TMPRSS6: variants seen among roughly 807,000 people sequenced by gnomAD.
TMPRSS6 encodes transmembrane protease serine 6.
A neutral mutation model predicts 101.5 loss-of-function variants in TMPRSS6; 67 were observed. That is an observed-to-expected ratio of 0.66 (90% CI 0.54 to 0.81). The LOEUF is 0.81. Among genes scored for constraint, TMPRSS6 ranks in the 30% least tolerant of loss-of-function variants. TMPRSS6 has a pLI of 0.00. For synonymous variants in TMPRSS6, 453 were observed against 464.9 expected (o/e 0.97, Z 0.33); for missense variants, 1,034 against 1,088.7 (o/e 0.95, Z 0.71).
chr22:37,095,806 C>T lies in TMPRSS6; in HGVS notation c.589+100G>A, dbSNP rs554886297. 3.3e-6 allele frequency: 5 copies of T among 1,496,528 alleles called. No individual in the cohort carries two copies. The South Asian group carries it at 4.6e-5, about 14-fold the overall frequency. 92.7% of individuals were successfully genotyped at this position (1,496,528 alleles called of 1,614,324 possible). A position where few individuals can be genotyped will look rare whatever the true frequency, so the allele number is the denominator to read the frequency against. On this transcript the variant is annotated intron_variant, in intron 5 of 17. Transcript: ENST00000676104. ...GGCTCTCCTGGGGGGCCCACCCTGA[C>T]AGCACCCCAGGCCTGGCAGGCAGCC...
chr22:37,074,923 A>G (rs1379680496), intron 11 of TMPRSS6, among the ~76,000 whole-genome samples: 2 of 152,220 alleles, frequency 1.3e-5, no homozygotes, highest in Non-Finnish European at 2.9e-5. Context: ...GATATGTATG[A>G]GTGTGTATTC....
chr22:37,068,623 T>C (rs764651790), intron 16 of TMPRSS6: 1 of 779,688 alleles, frequency 1.3e-6, no homozygotes, highest in South Asian at 1.3e-5. Context: ...TACAGCAACA[T>C]GTCTCTGAGC....
intron 13 of TMPRSS6, among the ~76,000 whole-genome samples, chr22:37,072,612 T>TA (rs1927161826): frequency 1.2e-5 from 1 of 86,742 alleles, no homozygotes; most frequent in African/African-American, 4.6e-5. Context: ...GATGGATGGA[T>TA]GATGGACGAT....
chr22:37,098,987 A>G (rs190546240), intron 2 of TMPRSS6, among the ~76,000 whole-genome samples: 87 of 152,358 alleles, frequency 5.7e-4, no homozygotes, highest in Non-Finnish European at 9.6e-4. Flanking sequence ...TACGCCAGTT[A>G]ACCAAGACAG....
intron 13 of TMPRSS6, among the ~76,000 whole-genome samples, chr22:37,072,559 T>TGATG (rs781630045): frequency 5.9e-5 from 6 of 100,884 alleles, no homozygotes; most frequent in South Asian, 6.1e-4. Context: ...AATGGATGGA[T>TGATG]GATGGATGGA....
At chr22:37,099,470 G>T (rs1257843269) in intron 2 of TMPRSS6, among the ~76,000 whole-genome samples, 2 of 152,188 alleles carry the variant, frequency 1.3e-5, no homozygotes, top group Non-Finnish European at 2.9e-5. Flanking sequence ...TTTGGCTGAA[G>T]TGAAGAGGGT....
chr22:37,083,223 C>G, intron 10 of TMPRSS6: 1 of 376,122 alleles, frequency 2.7e-6, no homozygotes, highest in Non-Finnish European at 5.4e-6. Flanking sequence ...GACGCTGACA[C>G]GATGACCGTT....
chr22:37,090,261 G>C (rs918823367), intron 6 of TMPRSS6, among the ~76,000 whole-genome samples: 5 of 152,248 alleles, frequency 3.3e-5, no homozygotes, highest in Non-Finnish European at 7.3e-5. Flanking sequence ...AGGGAGGCCT[G>C]GCCCAGGCCA....
At chr22:37,088,100 C>T (rs1928928430) in intron 7 of TMPRSS6, among the ~76,000 whole-genome samples, 1 of 152,120 alleles carries the variant, frequency 6.6e-6, no homozygotes. Flanking sequence ...GTCAGGTCCC[C>T]TCCCAGGCTG....
intron 14 of TMPRSS6, 35 bp from the exon 15 acceptor site, chr22:37,070,687 G>A (rs1355896861): frequency 6.2e-7 from 1 of 1,601,026 alleles, no homozygotes. Flanking sequence ...GTGGACAGAG[G>A]AGGAGGGGAA....
chr22:37,079,491 A>G (rs1217779576), intron 10 of TMPRSS6, among the ~76,000 whole-genome samples: 1 of 152,154 alleles, frequency 6.6e-6, no homozygotes, highest in African/African-American at 2.4e-5. Context: ...GCGTGGGTGG[A>G]TGAATGCACA....
rs903509377 is a variant in TMPRSS6, at chr22:37,103,964, C to T, written c.-1-546G>A. Among the ~76,000 whole-genome samples, 2 of 152,176 alleles carry T rather than the reference C, an allele frequency of 1.3e-5. No homozygotes were observed. Among genetic ancestry groups the T allele is most frequent in the African/African-American group, 2.4e-5 (1 of 41,440 alleles). On this transcript the variant is annotated intron_variant, in intron 1 of 17. Coordinates refer to ENST00000676104, the MANE Select transcript of TMPRSS6 (RefSeq NM_001374504.1). This position sits in a 1 kb window ranked among gnomAD's most constrained non-coding sequence, Gnocchi z 4.4. ...GGACCTGCCTTCCTTCACAGAGTAC[C>T]GTCTCTCTCACCTTTCTGCTCTCAA...
intron 10 of TMPRSS6, chr22:37,080,190 C>A (rs758238016): frequency 5.3e-5 from 8 of 152,332 alleles, no homozygotes; most frequent in Non-Finnish European, 1.0e-4. Context: ...TCTACCACCC[C>A]CAGGCCACTC....
chr22:37,098,444 C>T lies in TMPRSS6; in HGVS notation c.308G>A (p.Arg103His), dbSNP rs369875437. ...CTTCTGGGCTTTGGCGGTTTCACTG[C>T]GGAAGGCACTAGATTCCCGGCGGGT... ...DLTRRESSAF[R>H]SETAKAQKML... Residue 103 changes from arginine to histidine, a missense_variant, in exon 3 of 18, where the codon CGC becomes CAC. Physicochemically the swap from Arg to His is conservative, Grantham distance 29. Coordinates refer to ENST00000676104, the MANE Select transcript of TMPRSS6 (RefSeq NM_001374504.1). 20 of 1,613,796 alleles carry T rather than the reference C, an allele frequency of 1.2e-5. No individual in the cohort carries two copies. The highest frequency in any genetic ancestry group is 1.6e-4 in the Middle Eastern group (1 of 6,084).
chr22:37,083,004 A>G, intron 10 of TMPRSS6: 1 of 471,024 alleles, frequency 2.1e-6, no homozygotes, highest in South Asian at 1.5e-5. Context: ...GGGAACACAC[A>G]CCCCAGAAAT....
In TMPRSS6 at chr22:37,066,178, G is replaced by A; in HGVS notation, c.2311C>T (p.Leu771=). ...ALSGRWFLAG[L]VSWGLGCGRP... is the part of the protein sequence containing the mutation. ...CCACAGCCCAGGCCCCAGCTGACCA[G>A]CCCCGCCAGGAACCAGCGGCCACTG... is the stretch of plus-strand genomic sequence containing the variant. The change falls in exon 18 of 18, where the codon CTG becomes TTG. Residue 771 remains leucine (L), a synonymous_variant. Coordinates refer to ENST00000676104, the MANE Select transcript of TMPRSS6 (RefSeq NM_001374504.1). 6.2e-7 allele frequency: 1 copy of A among 1,613,092 alleles called. No homozygotes were observed. The highest frequency in any genetic ancestry group is 8.5e-7 in the Non-Finnish European group (1 of 1,179,990).
chr22:37,078,968 A>G lies in TMPRSS6; in HGVS notation c.1197-3688T>C, dbSNP rs567211711. 6.3e-3 allele frequency among the ~76,000 whole-genome samples: 458 copies of G among 72,412 alleles called. 9 individuals carry two copies. Among genetic ancestry groups the G allele is most frequent in the African/African-American group, 0.02 (444 of 22,044 alleles). The allele number at this position is 72,412 out of a possible 152,430, so 47.5% of individuals were successfully genotyped here. On this transcript the variant is annotated intron_variant, in intron 10 of 17. Coordinates refer to ENST00000676104, the MANE Select transcript of TMPRSS6 (RefSeq NM_001374504.1). ...GAGAAGGAGAAAAAGAGAAAGAAAG[A>G]AAGAAAAAGAAAGAAAGAAAGAAAG...
intron 13 of TMPRSS6, among the ~76,000 whole-genome samples, chr22:37,071,839 T>C (rs1376605241): frequency 2.6e-5 from 4 of 152,148 alleles, no homozygotes; most frequent in Non-Finnish European, 4.4e-5. Flanking sequence ...GATAAACGTG[T>C]GGATATAAGG....
chr22:37,071,898 A>G (rs1601521038), intron 13 of TMPRSS6, among the ~76,000 whole-genome samples: 1 of 152,050 alleles, frequency 6.6e-6, no homozygotes, highest in Non-Finnish European at 1.5e-5. Flanking sequence ...GGGTGGATGG[A>G]TGGGTGGATG....
Sources: allele counts gnomAD v4.1 joint callset (sites outside exome capture counted in the v4.1 genomes callset), GRCh38; gene constraint gnomAD v4.1.1; non-coding constraint Gnocchi (gnomAD v3.1); transcripts MANE v1.5; gene names NCBI Gene and HGNC (gene_info 2026-07-23, HGNC 2026-07-21).